MTAP: variants seen among roughly 807,000 people sequenced by gnomAD.
MTAP encodes S-methyl-5'-thioadenosine phosphorylase.
MTAP carries 33 observed loss-of-function variants against 33.6 expected under a neutral mutation model. The ratio of observed to expected loss-of-function variants is 0.98; its 90% confidence interval spans 0.74 to 1.31. The LOEUF (loss-of-function observed/expected upper bound fraction) is 1.31, where lower values mean the gene tolerates loss of function less well. Ranked by LOEUF, MTAP falls within the 40% of genes most tolerant of loss-of-function variation. MTAP has a pLI of 0.00. For missense variants in MTAP, 367 were observed against 360.0 expected (o/e 1.02, Z -0.16); for synonymous variants, 148 against 125.7 (o/e 1.18, Z -1.19).
Position 21,863,821 on chromosome 9 carries a change from A to T in MTAP, c.*1807A>T, listed in dbSNP as rs1020745266. On this transcript the variant is annotated 3_prime_UTR_variant, in exon 8 of 8. Transcript: ENST00000644715. ...CTCTGAGATTGACTTCAAGATAATA[A>T]GCTGCTAATTGTAAACAAAACAGTT... is the stretch of plus-strand genomic sequence containing the variant. 20 of 985,724 alleles carry T rather than the reference A, an allele frequency of 2.0e-5. No individual in the cohort carries two copies. Among genetic ancestry groups the T allele is most frequent in the Non-Finnish European group, 2.4e-5 (20 of 829,940 alleles). The allele number at this position is 985,724 out of a possible 1,614,324, so 61.1% of individuals were successfully genotyped here.
chr9:21,809,537 A>G (rs1015895658), intron 1 of MTAP, among the ~76,000 whole-genome samples: 5 of 151,978 alleles, frequency 3.3e-5, no homozygotes, highest in Non-Finnish European at 2.9e-5. Flanking sequence ...TACTTGGGAG[A>G]CTAAGGCAGG....
intron 1 of MTAP, among the ~76,000 whole-genome samples, chr9:21,881,949 A>G (rs1818018904): frequency 6.6e-6 from 1 of 152,078 alleles, no homozygotes; most frequent in African/African-American, 2.4e-5. Flanking sequence ...ATTATTAAGA[A>G]GAGCCAAGAG....
chr9:21,939,170 C>A (rs1179593707), downstream of MTAP, among the ~76,000 whole-genome samples: 3 of 152,156 alleles, frequency 2.0e-5, no homozygotes, highest in Non-Finnish European at 4.4e-5. Flanking sequence ...GTAAGAAGTG[C>A]CTTTCAGCTC....
intron 1 of MTAP, among the ~76,000 whole-genome samples, chr9:21,883,819 G>C (rs73440440): frequency 5.3e-4 from 80 of 152,090 alleles, no homozygotes; most frequent in African/African-American, 1.8e-3. Flanking sequence ...GCAATAGGAA[G>C]CTGGGGATGA....
At chr9:21,856,961 C>T (rs1329880192) in intron 6 of MTAP, among the ~76,000 whole-genome samples, 1 of 152,052 alleles carries the variant, frequency 6.6e-6, no homozygotes, top group Non-Finnish European at 1.5e-5. Context: ...GTCAGTTAGA[C>T]CTTGAAAGAT....
chr9:21,896,289 AG>A (rs1818292033), intron 1 of MTAP, among the ~76,000 whole-genome samples: 1 of 152,240 alleles, frequency 6.6e-6, no homozygotes, highest in South Asian at 2.1e-4. Context: ...AAAGCAGGAA[AG>A]ATCTAAAATT....
chr9:21,833,006 C>T (rs908999439), intron 4 of MTAP, among the ~76,000 whole-genome samples: 17 of 152,126 alleles, frequency 1.1e-4, no homozygotes, highest in African/African-American at 4.1e-4. Flanking sequence ...AGCATGATCT[C>T]ATGAAATATA....
intron 5 of MTAP, among the ~76,000 whole-genome samples, chr9:21,843,712 C>A (rs1370874366): frequency 1.3e-5 from 2 of 152,114 alleles, no homozygotes; most frequent in African/African-American, 4.8e-5. Context: ...ATTATAGTGA[C>A]ACAACTTATC....
chr9:21,877,266 C>T (rs1234297851), intron 1 of MTAP, among the ~76,000 whole-genome samples: 1 of 151,656 alleles, frequency 6.6e-6, no homozygotes, highest in Admixed American at 6.6e-5. Context: ...TGGGCTGAGA[C>T]TGGGGTTTTC....
intron 1 of MTAP, among the ~76,000 whole-genome samples, chr9:21,896,864 C>T (rs566420040): frequency 2.5e-4 from 38 of 152,298 alleles, no homozygotes; most frequent in Non-Finnish European, 4.1e-4. Flanking sequence ...AAGAGGGAAT[C>T]CTCCCTAACT....
intron 6 of MTAP, among the ~76,000 whole-genome samples, chr9:21,857,607 A>G (rs1587253311): frequency 6.6e-6 from 1 of 152,266 alleles, no homozygotes; most frequent in Non-Finnish European, 1.5e-5. Context: ...ATACAGAAGT[A>G]GCTAATAGCA....
At chr9:21,804,469 A>G (rs1478844894) in intron 1 of MTAP, among the ~76,000 whole-genome samples, 1 of 152,200 alleles carries the variant, frequency 6.6e-6, no homozygotes, top group Non-Finnish European at 1.5e-5. Flanking sequence ...GTAAATATTG[A>G]ATAGTGTGTA....
intron 1 of MTAP, among the ~76,000 whole-genome samples, chr9:21,915,877 A>T (rs1359299747): frequency 6.6e-6 from 1 of 152,054 alleles, no homozygotes; most frequent in Non-Finnish European, 1.5e-5. Flanking sequence ...CTACAAAAAA[A>T]TACAAAAATT....
intron 5 of MTAP, among the ~76,000 whole-genome samples, chr9:21,849,305 A>C (rs1825456639): frequency 6.6e-6 from 1 of 152,106 alleles, no homozygotes; most frequent in African/African-American, 2.4e-5. Context: ...ATAATCAGAC[A>C]TTTCAGGGAC....
rs919475039 is a variant in MTAP at position 21,862,874 on chromosome 9, T to C, written c.*860T>C. On this transcript the variant is annotated 3_prime_UTR_variant, in exon 8 of 8. Coordinates refer to ENST00000644715, the MANE Select transcript of MTAP (RefSeq NM_002451.4). Reference sequence around the variant, plus strand: ...TTTATTTTCTTTGAATCTTTCTGTGTCTTCACATTTTTCTACAGTGAATTT... The same window carrying C: ...TTTATTTTCTTTGAATCTTTCTGTGCCTTCACATTTTTCTACAGTGAATTT... 5 of 831,866 alleles carry C rather than the reference T, an allele frequency of 6.0e-6. No homozygotes were observed. Among genetic ancestry groups the C allele is most frequent in the African/African-American group, 1.9e-5 (1 of 53,548 alleles). 51.5% of individuals were successfully genotyped at this position (831,866 alleles called of 1,614,324 possible). A position where few individuals can be genotyped will look rare whatever the true frequency, so the allele number is the denominator to read the frequency against.
chr9:21,915,381 C>A (rs566731371), intron 1 of MTAP, among the ~76,000 whole-genome samples: 2 of 151,952 alleles, frequency 1.3e-5, no homozygotes, highest in Non-Finnish European at 2.9e-5. Context: ...GTCAGCCACC[C>A]GTGCCTGGCC....
At chr9:21,887,559 C>G (rs1431411320) in intron 1 of MTAP, among the ~76,000 whole-genome samples, 1 of 152,148 alleles carries the variant, frequency 6.6e-6, no homozygotes, top group Non-Finnish European at 1.5e-5. Flanking sequence ...GTGAATAGTG[C>G]CGCAGTAAAC....
At position 21,859,369 on chromosome 9, in the gene MTAP, A is replaced by T. The variant is rs769988855; in HGVS notation, c.757A>T (p.Thr253Ser). 1.2e-6 allele frequency: 2 copies of T among 1,613,664 alleles called. No individual in the cohort carries two copies. The highest frequency in any genetic ancestry group is 3.3e-5 in the Admixed American group (2 of 59,956). Residue 253 changes from threonine (T) to serine (S), a missense_variant, in exon 7 of 8, where the codon ACT becomes TCT. Transcript: ENST00000644715. ...TAATAAAGCCAAAAGCTTACTGCTC[A>T]CTACCATACCTCAGATAGGGTCCAC... ...NANKAKSLLL[T>S]TIPQIGSTEW...
At chr9:21,913,613 A>T (rs191748929) in intron 1 of MTAP, among the ~76,000 whole-genome samples, 2 of 152,240 alleles carry the variant, frequency 1.3e-5, no homozygotes, top group Non-Finnish European at 2.9e-5. Flanking sequence ...CTTACACCTT[A>T]TACAAAAATT....
Sources: allele counts gnomAD v4.1 joint callset (sites outside exome capture counted in the v4.1 genomes callset), GRCh38; gene constraint gnomAD v4.1.1; transcripts MANE v1.5; gene names NCBI Gene and HGNC (gene_info 2026-07-23, HGNC 2026-07-21).